KCNMA1: variants seen among roughly 807,000 people sequenced by gnomAD.
KCNMA1 encodes the protein Calcium-activated potassium channel subunit alpha-1.
A neutral mutation model predicts 140.0 loss-of-function variants in KCNMA1; 29 were observed. The ratio of observed to expected loss-of-function variants is 0.21; its 90% CI spans 0.15 to 0.28. The LOEUF is 0.28. Among genes scored for constraint, KCNMA1 ranks in the 10% least tolerant of loss-of-function variants. The pLI is 1.00. For synonymous variants in KCNMA1, 612 were observed against 611.9 expected, an observed-to-expected ratio of 1.00 and a Z score of 0.00; for missense variants, 880 against 1,602.2, an observed-to-expected ratio of 0.55 and a Z score of 7.70.
chr10:77,452,903 C>T (rs912761996), intron 1 of KCNMA1, among the ~76,000 whole-genome samples: 9 of 152,116 alleles, frequency 5.9e-5, no homozygotes, highest in African/African-American at 9.7e-5. Context: ...CTGCCCAATG[C>T]GGCATCTCAT....
chr10:76,924,620 T>C (rs537931697), intron 23 of KCNMA1, among the ~76,000 whole-genome samples: 220 of 152,318 alleles, frequency 1.4e-3, no homozygotes, highest in Non-Finnish European at 2.2e-3. Flanking sequence ...TGTAAGGGTC[T>C]GACAGGTCTT....
chr10:77,073,818 T>A (rs1367832383), intron 13 of KCNMA1, among the ~76,000 whole-genome samples: 1 of 152,156 alleles, frequency 6.6e-6, no homozygotes, highest in Admixed American at 6.5e-5. Context: ...GCTGACGCTG[T>A]TGATCTAGGG....
At chr10:76,950,516 C>T (rs2065848111) in intron 21 of KCNMA1, among the ~76,000 whole-genome samples, 1 of 152,202 alleles carries the variant, frequency 6.6e-6, no homozygotes, top group South Asian at 2.1e-4. Flanking sequence ...AGGAGGCCAG[C>T]CGTGGACCTT....
At chr10:77,007,242 T>C (rs1048763295) in intron 18 of KCNMA1, among the ~76,000 whole-genome samples, 4 of 152,246 alleles carry the variant, frequency 2.6e-5, no homozygotes, top group African/African-American at 9.6e-5. Context: ...TTCAGACTTA[T>C]ACATTGCTCA....
At chr10:77,527,537 G>A (rs1304092336) in intron 1 of KCNMA1, among the ~76,000 whole-genome samples, 1 of 152,142 alleles carries the variant, frequency 6.6e-6, no homozygotes, top group East Asian at 1.9e-4. Flanking sequence ...CCACCAGGAT[G>A]TCCAGGCCAG....
intron 1 of KCNMA1, among the ~76,000 whole-genome samples, chr10:77,617,324 G>A (rs1239879742): frequency 6.6e-6 from 1 of 152,162 alleles, no homozygotes; most frequent in African/African-American, 2.4e-5. Context: ...ATTCAAAGTG[G>A]GAGAGGGCAG....
chr10:77,484,924 T>C (rs529461632), intron 1 of KCNMA1, among the ~76,000 whole-genome samples: 30 of 152,360 alleles, frequency 2.0e-4, no homozygotes, highest in African/African-American at 7.2e-4. Flanking sequence ...AAAATGTGGC[T>C]GCAGGAAGTT....
At chr10:77,269,513 G>C (rs971841397) in intron 2 of KCNMA1, among the ~76,000 whole-genome samples, 1 of 152,054 alleles carries the variant, frequency 6.6e-6, no homozygotes, top group Non-Finnish European at 1.5e-5. Flanking sequence ...TTTAAAACCT[G>C]GATTGTCAGG....
At chr10:77,182,467 A>G (rs2098810525) in intron 5 of KCNMA1, among the ~76,000 whole-genome samples, 1 of 152,216 alleles carries the variant, frequency 6.6e-6, no homozygotes, top group East Asian at 1.9e-4. Flanking sequence ...CTAAAACACT[A>G]TCATGTGTGC....
chr10:77,398,520 T>C (rs1480154506), intron 2 of KCNMA1, among the ~76,000 whole-genome samples: 2 of 152,382 alleles, frequency 1.3e-5, no homozygotes, highest in East Asian at 3.9e-4. Flanking sequence ...ACTATTCATA[T>C]CTTTTGCCCA....
At chr10:77,345,690 C>T (rs926419046) in intron 2 of KCNMA1, among the ~76,000 whole-genome samples, 7 of 152,334 alleles carry the variant, frequency 4.6e-5, no homozygotes, top group African/African-American at 1.7e-4. Context: ...CGACACAGGT[C>T]TTCAACTGCC....
At chr10:77,051,024 A>G (rs922859577) in intron 14 of KCNMA1, among the ~76,000 whole-genome samples, 4 of 152,180 alleles carry the variant, frequency 2.6e-5, no homozygotes, top group Non-Finnish European at 5.9e-5. Context: ...CTGAATCTCC[A>G]TTGGAATGTG....
At position 77,412,840 on chromosome 10, in the gene KCNMA1, C is replaced by CT. The variant is rs1363100652; in HGVS notation, c.379-8818dup. ...GTAAAAGTCCATAGGCCCATGTTAG[C>CT]TTTTTTTTGTTTTGTTTTGTTTTGT... On this transcript the variant is annotated intron_variant, in intron 1 of 27. Coordinates refer to ENST00000286628, the MANE Select transcript of KCNMA1 (RefSeq NM_001161352.2). Among the ~76,000 whole-genome samples the CT allele has an allele frequency of 5.9e-5, 9 of 151,834 alleles. No homozygotes were observed. In the South Asian group the frequency reaches 6.2e-4, roughly 11 times the overall value.
chr10:77,178,691 G>A (rs888508366), intron 5 of KCNMA1, among the ~76,000 whole-genome samples: 1 of 152,052 alleles, frequency 6.6e-6, no homozygotes, highest in Non-Finnish European at 1.5e-5. Context: ...GGCAACAAGG[G>A]CGAAACTCCA....
intron 14 of KCNMA1, among the ~76,000 whole-genome samples, chr10:77,050,556 A>G (rs1349199364): frequency 6.6e-6 from 1 of 152,212 alleles, no homozygotes; most frequent in African/African-American, 2.4e-5. Flanking sequence ...AGTGCTATCT[A>G]TACTTTGATA....
At chr10:77,261,849 C>G (rs556871850) in intron 2 of KCNMA1, among the ~76,000 whole-genome samples, 1 of 152,164 alleles carries the variant, frequency 6.6e-6, no homozygotes, top group African/African-American at 2.4e-5. Context: ...GTTCCATCTG[C>G]TGGTGGAGCG....
intron 24 of KCNMA1, chr10:76,914,645 C>T (rs2051937470): frequency 2.6e-6 from 1 of 378,122 alleles, no homozygotes; most frequent in Non-Finnish European, 5.0e-6. Context: ...TCCTCCTTTC[C>T]TCTCCATTCC....
intron 15 of KCNMA1, among the ~76,000 whole-genome samples, chr10:77,038,715 A>AT (rs1405921912): frequency 2.6e-5 from 4 of 151,952 alleles, no homozygotes; most frequent in African/African-American, 7.3e-5. Flanking sequence ...AATTTTCCTT[A>AT]TTTTTTGTAG....
At chr10:77,394,018 G>A (rs993423137) in intron 2 of KCNMA1, among the ~76,000 whole-genome samples, 28 of 152,306 alleles carry the variant, frequency 1.8e-4, no homozygotes, top group Admixed American at 9.8e-4. Flanking sequence ...AATCAATGTC[G>A]GTGGATCACA....
Sources: gnomAD v4.1 joint callset for allele counts (sites outside exome capture counted in the v4.1 genomes callset) on GRCh38, gnomAD v4.1.1 for gene constraint, MANE v1.5 for transcripts, NCBI Gene and HGNC (gene_info 2026-07-23, HGNC 2026-07-21) for gene names.